Variants in CACNG7 observed in about 807,000 individuals in gnomAD.
CACNG7 encodes the protein voltage-dependent calcium channel gamma-7 subunit.
In CACNG7, 9 loss-of-function variants were observed where a neutral mutation model predicts 26.3. The ratio of observed to expected loss-of-function variants is 0.34; its 90% confidence interval spans 0.21 to 0.60. The LOEUF (loss-of-function observed/expected upper bound fraction) is 0.60. CACNG7 is among the 20% of genes least tolerant of loss of function. The pLI is 0.81. For missense variants in CACNG7, 297 were observed against 380.4 expected (o/e 0.78, Z 1.82); for synonymous variants, 170 against 157.0 (o/e 1.08, Z -0.62).
intron 4 of CACNG7, among the ~76,000 whole-genome samples, chr19:53,922,091 GT>G (rs1199085577): frequency 6.3e-5 from 6 of 95,498 alleles, no homozygotes; most frequent in East Asian, 5.5e-4. Context: ...TGGTGGAGTT[GT>G]CCCCAGGCCT....
chr19:53,925,613 A>C (rs926123473), intron 4 of CACNG7, among the ~76,000 whole-genome samples: 9 of 152,140 alleles, frequency 5.9e-5, no homozygotes, highest in Non-Finnish European at 1.0e-4. Context: ...GAGTTGCCCC[A>C]GGTCTGGTAT....
chr19:53,921,111 T>TC (rs529463147), intron 4 of CACNG7, among the ~76,000 whole-genome samples: 3 of 57,988 alleles, frequency 5.2e-5, no homozygotes, highest in Non-Finnish European at 9.0e-5. Flanking sequence ...CCAGGCCTGG[T>TC]ATTGGTGGAG....
chr19:53,931,024 C>T (rs973045026), intron 4 of CACNG7, among the ~76,000 whole-genome samples: 27 of 151,620 alleles, frequency 1.8e-4, no homozygotes, highest in Middle Eastern at 3.2e-3. Flanking sequence ...GGTAAAATCC[C>T]GTCTCTCCAA....
rs1001736838 is a variant in CACNG7 at position 53,940,780 on chromosome 19, C to A, written c.425-690C>A. Among the ~76,000 whole-genome samples the A allele has an allele frequency of 1.3e-5, 2 of 151,934 alleles. No individual in the cohort carries two copies. Among genetic ancestry groups the A allele is most frequent in the Non-Finnish European group, 2.9e-5 (2 of 68,006 alleles). Reference sequence around the variant, plus strand: ...CTGGGCCTCATCCTTTAAGGCCGGGCGCGGTGGCTCAAACCTGTAATCTTA... The same window carrying A: ...CTGGGCCTCATCCTTTAAGGCCGGGAGCGGTGGCTCAAACCTGTAATCTTA... On this transcript the variant is annotated intron_variant, in intron 4 of 5. Coordinates refer to ENST00000391767, the MANE Select transcript of CACNG7 (RefSeq NM_031896.5). This position sits in a 1 kb window ranked among gnomAD's most constrained non-coding sequence, Gnocchi z 4.1.
intron 4 of CACNG7, among the ~76,000 whole-genome samples, chr19:53,918,191 C>A (rs2068910760): frequency 6.6e-6 from 1 of 152,168 alleles, no homozygotes. Context: ...CGGTTTGAAC[C>A]AAAGCCTTCT....
At chr19:53,930,208 CCA>C (rs200831549) in intron 4 of CACNG7, among the ~76,000 whole-genome samples, 2,055 of 145,662 alleles carry the variant, frequency 0.014, 41 homozygotes, top group African/African-American at 0.054. Context: ...TCCTACCTCA[CCA>C]TTTTTTTTTT....
At chr19:53,920,117 C>T (rs1241876843) in intron 4 of CACNG7, among the ~76,000 whole-genome samples, 104 of 57,228 alleles carry the variant, frequency 1.8e-3, no homozygotes, top group African/African-American at 6.9e-3. Context: ...TTGCCCCAGG[C>T]CTGGTCATTG....
At chr19:53,932,008 G>A (rs2145916070) in intron 4 of CACNG7, among the ~76,000 whole-genome samples, 2 of 151,702 alleles carry the variant, frequency 1.3e-5, no homozygotes, top group South Asian at 4.2e-4. Context: ...TGATCCGCCT[G>A]CCTCAGCCTT....
intron 4 of CACNG7, among the ~76,000 whole-genome samples, chr19:53,920,124 A>G (rs1232290947): frequency 1.7e-4 from 16 of 95,892 alleles, no homozygotes; most frequent in African/African-American, 8.1e-4. Flanking sequence ...AGGCCTGGTC[A>G]TTGGTGGACT....
intron 4 of CACNG7, among the ~76,000 whole-genome samples, chr19:53,918,261 G>C (rs1405113389): frequency 6.6e-6 from 1 of 152,188 alleles, no homozygotes; most frequent in African/African-American, 2.4e-5. Context: ...TTTCTGCTTA[G>C]GGCCAGATAG....
At chr19:53,925,770 A>C (rs2069025854) in intron 4 of CACNG7, among the ~76,000 whole-genome samples, 1 of 152,180 alleles carries the variant, frequency 6.6e-6, no homozygotes, top group Non-Finnish European at 1.5e-5. Context: ...CAAACTGAGG[A>C]TGCTTGTGTA....
intron 4 of CACNG7, among the ~76,000 whole-genome samples, chr19:53,926,650 T>C (rs1260891628): frequency 6.6e-6 from 1 of 152,174 alleles, no homozygotes; most frequent in Non-Finnish European, 1.5e-5. Flanking sequence ...CGGTGGCTCA[T>C]GCCTGTAAGC....
rs1482019628 is a variant in CACNG7 at position 53,941,400 on chromosome 19, T to TGAGGTG, written c.425-68_425-63dup. ...CAGAATGGGGAGGAGGGGAAGGCAG[T>TGAGGTG]GAGGTGGGGCTGGGGCTGGGAAAAG... On this transcript the variant is annotated intron_variant, in intron 4 of 5. Coordinates refer to ENST00000391767, the MANE Select transcript of CACNG7 (RefSeq NM_031896.5). 4.0e-5 allele frequency: 58 copies of TGAGGTG among 1,448,174 alleles called. No individual in the cohort carries two copies. The Admixed American group carries it at 4.8e-4, about 12-fold the overall frequency. The allele number at this position is 1,448,174 out of a possible 1,614,324, so 89.7% of individuals were successfully genotyped here.
At chr19:53,941,894 A>C (rs1429172197) in intron 5 of CACNG7, 142 bp from the exon 6 acceptor site, 49 of 1,179,890 alleles carry the variant, frequency 4.2e-5, no homozygotes, top group Non-Finnish European at 4.8e-5. Flanking sequence ...GGGGAAAGAG[A>C]GGGCTGGAGC....
chr19:53,923,288 C>G (rs986516157), intron 4 of CACNG7, among the ~76,000 whole-genome samples: 2 of 101,702 alleles, frequency 2.0e-5, no homozygotes, highest in African/African-American at 9.0e-5. Context: ...TGCCCCAGGT[C>G]TGGTCATTGG....
intron 4 of CACNG7, among the ~76,000 whole-genome samples, chr19:53,938,563 C>CCAGT (rs2069119324): frequency 6.6e-6 from 1 of 152,186 alleles, no homozygotes; most frequent in South Asian, 2.1e-4. Context: ...TAGCAAAAAA[C>CCAGT]CAGTCACAGG....
chr19:53,922,958 C>A lies in CACNG7; in HGVS notation c.424+7453C>A, dbSNP rs1305720345. 3.1e-5 allele frequency among the ~76,000 whole-genome samples: 3 copies of A among 95,654 alleles called. 1 individual carries two copies. The highest frequency in any genetic ancestry group is 1.5e-4 in the African/African-American group (2 of 13,596). The allele number at this position is 95,654 out of a possible 152,430, so 62.8% of individuals were successfully genotyped here. Reference sequence around the variant, plus strand: ...CAGGTCTGGTCATTGGTGGAGTTGCCCCAGGTCTGGTCATTGGTGGAGTTG... The same window carrying A: ...CAGGTCTGGTCATTGGTGGAGTTGCACCAGGTCTGGTCATTGGTGGAGTTG... On this transcript the variant is annotated intron_variant, in intron 4 of 5. Coordinates refer to ENST00000391767, the MANE Select transcript of CACNG7 (RefSeq NM_031896.5).
intron 4 of CACNG7, among the ~76,000 whole-genome samples, chr19:53,920,471 TC>T (rs1383043207): frequency 1.2e-4 from 6 of 48,296 alleles, no homozygotes; most frequent in Admixed American, 1.9e-4. Flanking sequence ...CCAGGTCTGG[TC>T]ATTGGTGGAG....
rs1473497966 is a variant in CACNG7 at position 53,932,057 on chromosome 19, G to A, written c.425-9413G>A. Among the ~76,000 whole-genome samples the A allele has an allele frequency of 7.9e-5, 12 of 151,124 alleles. 1 individual carries two copies. The South Asian group carries it at 1.3e-3, about 16-fold the overall frequency. ...ATTACAGGCGTGAGCCACTGTGCCCGGCCAGCACTGACTTTTTAAATATAT... is the reference window on the plus strand; with the variant it reads ...ATTACAGGCGTGAGCCACTGTGCCCAGCCAGCACTGACTTTTTAAATATAT... On this transcript the variant is annotated intron_variant, in intron 4 of 5. Transcript: ENST00000391767.
Sources: gnomAD v4.1 joint callset for allele counts (sites outside exome capture counted in the v4.1 genomes callset) on GRCh38, gnomAD v4.1.1 for gene constraint, Gnocchi (gnomAD v3.1) non-coding constraint, MANE v1.5 for transcripts, NCBI Gene and HGNC (gene_info 2026-07-23, HGNC 2026-07-21) for gene names.